Variants in HIPK3 observed in about 807,000 individuals in gnomAD.
The protein encoded by HIPK3 is homeodomain-interacting protein kinase 3.
A neutral mutation model predicts 124.2 loss-of-function variants in HIPK3; 47 were observed. That is an observed-to-expected ratio of 0.38 (90% CI 0.30 to 0.48). The LOEUF is 0.48. HIPK3 is among the 20% of genes least tolerant of loss of function. HIPK3 has a pLI of 0.98. For synonymous variants in HIPK3, 482 were observed against 515.2 expected (o/e 0.94, Z 0.87); for missense variants, 1,286 against 1,454.3 (o/e 0.88, Z 1.88).
intron 1 of HIPK3, among the ~76,000 whole-genome samples, chr11:33,272,092 A>G (rs547934236): frequency 2.0e-4 from 30 of 152,326 alleles, no homozygotes; most frequent in African/African-American, 7.2e-4. Context: ...CAGTTGTAAT[A>G]GATTTTTAAG....
At chr11:33,300,420 A>G (rs901840999) in intron 2 of HIPK3, among the ~76,000 whole-genome samples, 1 of 152,142 alleles carries the variant, frequency 6.6e-6, no homozygotes, top group Non-Finnish European at 1.5e-5. Flanking sequence ...GCAGCCATCA[A>G]CATTAAGGTG....
intron 1 of HIPK3, among the ~76,000 whole-genome samples, chr11:33,273,275 C>A (rs1221381824): frequency 6.6e-6 from 1 of 151,988 alleles, no homozygotes; most frequent in East Asian, 1.9e-4. Flanking sequence ...GAGGCCGAGG[C>A]GGGCAGATCA....
chr11:33,345,559 A>G (rs1037218298), intron 8 of HIPK3, among the ~76,000 whole-genome samples: 1 of 152,078 alleles, frequency 6.6e-6, no homozygotes, highest in African/African-American at 2.4e-5. Flanking sequence ...ACAGACAATG[A>G]GATTTTTGTT....
chr11:33,348,460 C>G (rs1853563064), intron 12 of HIPK3, 62 bp from the exon 13 acceptor site: 1 of 1,367,258 alleles, frequency 7.3e-7, no homozygotes, highest in African/African-American at 1.5e-5. Flanking sequence ...AACAAGATAC[C>G]TTAGACAATT....
chr11:33,342,314 T>A (rs1308052884), intron 8 of HIPK3, among the ~76,000 whole-genome samples: 1 of 152,084 alleles, frequency 6.6e-6, no homozygotes. Flanking sequence ...TATCACTGTT[T>A]TAGACATTTA....
chr11:33,343,625 T>G (rs989910856), intron 8 of HIPK3, among the ~76,000 whole-genome samples: 1 of 152,182 alleles, frequency 6.6e-6, no homozygotes, highest in Non-Finnish European at 1.5e-5. Flanking sequence ...AAAACTTTTT[T>G]TATTTTAATA....
intron 2 of HIPK3, among the ~76,000 whole-genome samples, chr11:33,314,662 A>G (rs1488269682): frequency 3.3e-5 from 5 of 152,110 alleles, no homozygotes; most frequent in Non-Finnish European, 5.9e-5. Context: ...TCTCACACAC[A>G]CACACACAAA....
intron 2 of HIPK3, among the ~76,000 whole-genome samples, chr11:33,295,873 A>G (rs1056860596): frequency 6.6e-6 from 1 of 152,136 alleles, no homozygotes; most frequent in African/African-American, 2.4e-5. Flanking sequence ...TAAAGTTACC[A>G]TTTTTTTCTT....
intron 2 of HIPK3, among the ~76,000 whole-genome samples, chr11:33,313,865 T>A (rs1312203850): frequency 6.6e-6 from 1 of 152,088 alleles, no homozygotes; most frequent in Non-Finnish European, 1.5e-5. Context: ...TTTTTTTAAA[T>A]TTTTTTGAGA....
At chr11:33,286,331 T>G in intron 1 of HIPK3, 82 bp from the exon 2 acceptor site, 10 of 1,257,166 alleles carry the variant, frequency 8.0e-6, no homozygotes, top group Non-Finnish European at 1.1e-5. Context: ...CTTCCTGATA[T>G]TTAAAATTGA....
At chr11:33,272,593 T>A (rs1476103276) in intron 1 of HIPK3, among the ~76,000 whole-genome samples, 1 of 151,960 alleles carries the variant, frequency 6.6e-6, no homozygotes, top group Admixed American at 6.6e-5. Context: ...ATGAGAGAGA[T>A]CTTTCTCCTT....
At chr11:33,287,566 A>G (rs966200894) in intron 2 of HIPK3, 55 bp downstream of exon 2, 1 of 1,541,206 alleles carries the variant, frequency 6.5e-7, no homozygotes, top group Non-Finnish European at 8.8e-7. Flanking sequence ...TTTCTGCTAA[A>G]TGAAATACTT....
chr11:33,281,969 G>A (rs1851423857), intron 1 of HIPK3, among the ~76,000 whole-genome samples: 1 of 152,132 alleles, frequency 6.6e-6, no homozygotes. Context: ...TTGCAATTTT[G>A]TTAAATATTG....
chr11:33,261,216 TC>T (rs1850817583), intron 1 of HIPK3, among the ~76,000 whole-genome samples: 1 of 148,702 alleles, frequency 6.7e-6, no homozygotes, highest in African/African-American at 2.5e-5. Flanking sequence ...TATTTTTTTT[TC>T]TTTTTAAACT....
At chr11:33,350,035 G>T (rs1853610987) in intron 14 of HIPK3, among the ~76,000 whole-genome samples, 1 of 152,156 alleles carries the variant, frequency 6.6e-6, no homozygotes, top group South Asian at 2.1e-4. Context: ...AAAATGCTAG[G>T]ATTACAGGCG....
Position 33,289,559 on chromosome 11 carries a change from T to A in HIPK3, c.1097+2048T>A, listed in dbSNP as rs370181026. 1.1e-4 allele frequency among the ~76,000 whole-genome samples: 17 copies of A among 152,316 alleles called. No individual in the cohort carries two copies. The South Asian group carries it at 3.5e-3, about 32-fold the overall frequency. On this transcript the variant is annotated intron_variant, in intron 2 of 16. Coordinates refer to ENST00000303296, the MANE Select transcript of HIPK3 (RefSeq NM_005734.5). ...GGTCCATAGTAGGTATATATATTTA[T>A]GAGGTATTTGAGATATTTTGATATA...
At chr11:33,311,016 G>T (rs1325488438) in intron 2 of HIPK3, among the ~76,000 whole-genome samples, 1 of 152,132 alleles carries the variant, frequency 6.6e-6, no homozygotes, top group Non-Finnish European at 1.5e-5. Flanking sequence ...ATGGCTGCAG[G>T]CTCTTGACTA....
At chr11:33,328,775 G>T (rs1362106028) in intron 3 of HIPK3, 142 bp downstream of exon 3, 1 of 656,042 alleles carries the variant, frequency 1.5e-6, no homozygotes, top group Non-Finnish European at 2.4e-6. Flanking sequence ...TTGTAGAATT[G>T]ATTTTGAAAA....
At chr11:33,346,786 A>G (rs1656788583) in intron 8 of HIPK3, among the ~76,000 whole-genome samples, 1 of 152,246 alleles carries the variant, frequency 6.6e-6, no homozygotes, top group African/African-American at 2.4e-5. Context: ...AAGCTTTATG[A>G]TAATTTTTGG....
Sources: gnomAD v4.1 joint callset for allele counts (sites outside exome capture counted in the v4.1 genomes callset) on GRCh38, gnomAD v4.1.1 for gene constraint, MANE v1.5 for transcripts, NCBI Gene and HGNC (gene_info 2026-07-23, HGNC 2026-07-21) for gene names.